The following NRG3 variants were observed in gnomAD, a reference collection of about 807,000 sequenced individuals.
NRG3 encodes the protein neuregulin 3, also known as pro-neuregulin-3, membrane-bound isoform.
In NRG3, 31 loss-of-function variants were observed where a neutral mutation model predicts 66.9. The observed-to-expected ratio is 0.46, with a 90% CI of 0.35 to 0.63. The LOEUF (loss-of-function observed/expected upper bound fraction) is 0.63. NRG3 is among the 20% of genes least tolerant of loss of function. NRG3 has a pLI of 0.00. For synonymous variants in NRG3, 393 were observed against 359.4 expected (o/e 1.09, Z -1.06); for missense variants, 910 against 878.9 (o/e 1.04, Z -0.45).
chr10:82,895,653 G>C (rs1420215209), intron 4 of NRG3, among the ~76,000 whole-genome samples: 1 of 152,018 alleles, frequency 6.6e-6, no homozygotes, highest in African/African-American at 2.4e-5. Context: ...TCCATGCCCA[G>C]CTAATTTTTT....
intron 1 of NRG3, among the ~76,000 whole-genome samples, chr10:82,238,746 C>T (rs1010334917): frequency 1.3e-5 from 2 of 151,876 alleles, no homozygotes; most frequent in African/African-American, 2.4e-5. Flanking sequence ...TTCTATTTTT[C>T]AGCTCACGTT....
At chr10:82,790,841 G>C (rs2060558294) in intron 3 of NRG3, among the ~76,000 whole-genome samples, 1 of 150,798 alleles carries the variant, frequency 6.6e-6, no homozygotes, top group East Asian at 1.9e-4. Context: ...TTTTCCTTCT[G>C]CCTGCTTAAA....
In NRG3 at chr10:82,649,550, A is replaced by C. The variant is rs576460806; in HGVS notation, c.954-89027A>C. 2.1e-5 allele frequency among the ~76,000 whole-genome samples: 3 copies of C among 142,312 alleles called. No homozygotes were observed. In the South Asian group the frequency reaches 6.5e-4, roughly 31 times the overall value. 93.4% of individuals were successfully genotyped at this position (142,312 alleles called of 152,430 possible). A position where few individuals can be genotyped will look rare whatever the true frequency, so the allele number is the denominator to read the frequency against. ...CAGTGGCACTATCTCAGCTCACTGT[A>C]ACCTCTGCCTCCCAGGTTTAAGCGT... On this transcript the variant is annotated intron_variant, in intron 2 of 8. Transcript: ENST00000372141.
At chr10:82,544,842 A>C (rs1475397364) in intron 2 of NRG3, among the ~76,000 whole-genome samples, 1 of 152,258 alleles carries the variant, frequency 6.6e-6, no homozygotes. Context: ...ATACTATGAT[A>C]AAGTAAAAAG....
intron 1 of NRG3, among the ~76,000 whole-genome samples, chr10:81,952,614 G>A (rs1486849564): frequency 6.6e-6 from 1 of 151,036 alleles, no homozygotes; most frequent in Non-Finnish European, 1.5e-5. Flanking sequence ...GGGTTTTTTT[G>A]TTTTTCAGTG....
At chr10:82,845,509 G>A (rs1056972125) in intron 3 of NRG3, among the ~76,000 whole-genome samples, 1 of 151,986 alleles carries the variant, frequency 6.6e-6, no homozygotes, top group Non-Finnish European at 1.5e-5. Context: ...AAGGCACAAG[G>A]GGATTAAAAA....
chr10:82,669,263 A>C (rs1357477051), intron 2 of NRG3, among the ~76,000 whole-genome samples: 2 of 148,626 alleles, frequency 1.3e-5, no homozygotes, highest in African/African-American at 4.9e-5. Context: ...AATAATAATA[A>C]TAATAATAAT....
At chr10:82,178,103 T>C (rs1371059605) in intron 1 of NRG3, among the ~76,000 whole-genome samples, 1 of 152,072 alleles carries the variant, frequency 6.6e-6, no homozygotes, top group East Asian at 1.9e-4. Context: ...TATTGGTTAA[T>C]GTAGAAAATA....
chr10:82,034,245 C>T, intron 1 of NRG3, among the ~76,000 whole-genome samples: 1 of 152,054 alleles, frequency 6.6e-6, no homozygotes. Context: ...ATATACATGA[C>T]CCATTATTTA....
intron 3 of NRG3, among the ~76,000 whole-genome samples, chr10:82,826,378 A>G (rs2062208080): frequency 6.6e-6 from 1 of 152,202 alleles, no homozygotes; most frequent in Non-Finnish European, 1.5e-5. Flanking sequence ...ATGTGGCTCA[A>G]TGCTGTTAAT....
intron 2 of NRG3, among the ~76,000 whole-genome samples, chr10:82,499,293 G>A (rs1843928344): frequency 6.6e-6 from 1 of 152,090 alleles, no homozygotes; most frequent in Non-Finnish European, 1.5e-5. Context: ...ACTTTCAAAG[G>A]GGAAATTGAG....
intron 1 of NRG3, among the ~76,000 whole-genome samples, chr10:81,977,245 G>T (rs992328087): frequency 6.6e-6 from 1 of 152,058 alleles, no homozygotes. Flanking sequence ...CTTCCATGTT[G>T]TAGGGTAGCT....
At chr10:82,303,858 C>A (rs555633362) in intron 1 of NRG3, among the ~76,000 whole-genome samples, 93 of 151,902 alleles carry the variant, frequency 6.1e-4, no homozygotes, top group African/African-American at 2.1e-3. Flanking sequence ...CAGAGCAAGA[C>A]CCTGTCTCAA....
At chr10:82,342,190 A>T (rs1306466003) in intron 1 of NRG3, among the ~76,000 whole-genome samples, 1 of 151,954 alleles carries the variant, frequency 6.6e-6, no homozygotes, top group African/African-American at 2.4e-5. Context: ...AGGTGATTCT[A>T]TATCTTTGCT....
intron 2 of NRG3, among the ~76,000 whole-genome samples, chr10:82,683,849 TCTTA>T (rs761827955): frequency 1.3e-5 from 2 of 152,206 alleles, no homozygotes; most frequent in Non-Finnish European, 2.9e-5. Flanking sequence ...AAAACAACTT[TCTTA>T]CTTGCATTAT....
chr10:82,116,579 A>C (rs887856430), intron 1 of NRG3, among the ~76,000 whole-genome samples: 2 of 152,128 alleles, frequency 1.3e-5, no homozygotes, highest in East Asian at 3.9e-4. Flanking sequence ...AAAATAACGA[A>C]AGCTTGCTCA....
intron 1 of NRG3, among the ~76,000 whole-genome samples, chr10:82,083,604 T>A (rs1050841515): frequency 2.0e-5 from 3 of 150,664 alleles, no homozygotes; most frequent in African/African-American, 4.9e-5. Flanking sequence ...AATTTTTTTT[T>A]TTTTTTTTTT....
At chr10:82,381,779 G>C (rs2085634271) in intron 2 of NRG3, among the ~76,000 whole-genome samples, 1 of 152,054 alleles carries the variant, frequency 6.6e-6, no homozygotes, top group African/African-American at 2.4e-5. Context: ...GCATAAGCTG[G>C]GACTGTCCTG....
chr10:82,135,005 A>G (rs557581959), intron 1 of NRG3, among the ~76,000 whole-genome samples: 1 of 151,842 alleles, frequency 6.6e-6, no homozygotes, highest in Non-Finnish European at 1.5e-5. Flanking sequence ...ACATGCCTGT[A>G]GTCCCAGCTA....
Sources: gnomAD v4.1 joint callset for allele counts (sites outside exome capture counted in the v4.1 genomes callset) on GRCh38, gnomAD v4.1.1 for gene constraint, MANE v1.5 for transcripts, NCBI Gene and HGNC (gene_info 2026-07-23, HGNC 2026-07-21) for gene names.